The following WDR70 variants were observed in gnomAD, a reference collection of about 807,000 sequenced individuals.
WDR70 encodes the protein WD repeat-containing protein 70.
Under a neutral mutation model 88.6 loss-of-function variants are expected in WDR70, and 53 were observed. The ratio of observed to expected loss-of-function variants is 0.60; its 90% CI spans 0.48 to 0.75. The LOEUF (loss-of-function observed/expected upper bound fraction) is 0.75, where lower values mean the gene tolerates loss of function less well. Among genes scored for constraint, WDR70 ranks in the 30% least tolerant of loss-of-function variants. The pLI is 0.00. For missense variants in WDR70, 610 were observed against 823.2 expected (o/e 0.74, Z 3.17); for synonymous variants, 280 against 270.0 (o/e 1.04, Z -0.36).
intron 10 of WDR70, among the ~76,000 whole-genome samples, chr5:37,618,666 G>A (rs922378021): frequency 6.6e-6 from 1 of 152,220 alleles, no homozygotes; most frequent in African/African-American, 2.4e-5. Flanking sequence ...GGAAAAGGTT[G>A]AGGTGGGTGG....
chr5:37,630,113 A>G (rs1009300489), intron 10 of WDR70, among the ~76,000 whole-genome samples: 1 of 152,196 alleles, frequency 6.6e-6, no homozygotes, highest in African/African-American at 2.4e-5. Context: ...CAGCTTTGCC[A>G]GGCTTGGGCT....
intron 10 of WDR70, among the ~76,000 whole-genome samples, chr5:37,648,538 C>T (rs1386224426): frequency 7.6e-6 from 1 of 131,336 alleles, no homozygotes; most frequent in Non-Finnish European, 1.5e-5. Context: ...GTGGTAATCT[C>T]TTGGTAGTTC....
In WDR70 at chr5:37,726,885, C is replaced by T. The variant is rs1473600122; in HGVS notation, c.1717C>T (p.Arg573Cys). 6.3e-7 allele frequency: 1 copy of T among 1,582,120 alleles called. No homozygotes were observed. The highest frequency in any genetic ancestry group is 2.0e-5 in the Admixed American group (1 of 50,760). ...KPEPPVAGPG[R>C]GGRVGTHGGT... Reference sequence around the variant, plus strand: ...TGGTTTTTTTTCTTTTGCAATAGGTCGTGGTGGCCGAGTTGGAACCCACGG... The same window carrying T: ...TGGTTTTTTTTCTTTTGCAATAGGTTGTGGTGGCCGAGTTGGAACCCACGG... Residue 573 changes from arginine (R) to cysteine (C), a missense_variant and splice_region_variant, in exon 17 of 18, where the codon CGT becomes TGT. Arg to Cys is a radical substitution (Grantham distance 180). Transcript: ENST00000265107.
At chr5:37,740,239 G>T (rs541187401) in intron 17 of WDR70, among the ~76,000 whole-genome samples, 11 of 152,218 alleles carry the variant, frequency 7.2e-5, no homozygotes, top group Non-Finnish European at 1.2e-4. Flanking sequence ...GGTGACTAAA[G>T]AAATCCATTT....
chr5:37,649,730 C>CTTTTTTTTTTTTTTTT, intron 10 of WDR70, among the ~76,000 whole-genome samples: 1 of 48,868 alleles, frequency 2.0e-5, no homozygotes, highest in South Asian at 8.9e-4. Context: ...GATGTTATTA[C>CTTTTTTTTTTTTTTTT]TTCTTTTTTT....
At position 37,676,699 on chromosome 5, in the gene WDR70, T is replaced by G. The variant is rs1306550493; in HGVS notation, c.1093-20956T>G. ...AGGATATTGGTCTAAAATTCTCTTTTTTGGTTGTGTCTCTGCCAGGCTTTG... is the reference window on the plus strand; with the variant it reads ...AGGATATTGGTCTAAAATTCTCTTTGTTGGTTGTGTCTCTGCCAGGCTTTG... On this transcript the variant is annotated intron_variant, in intron 10 of 17. Transcript: ENST00000265107. Among the ~76,000 whole-genome samples the G allele has an allele frequency of 2.0e-5, 3 of 151,850 alleles. No homozygotes were observed. The East Asian group carries it at 5.8e-4, about 29-fold the overall frequency.
intron 9 of WDR70, among the ~76,000 whole-genome samples, chr5:37,554,185 G>GT (rs759821860): frequency 8.1e-5 from 12 of 148,298 alleles, no homozygotes; most frequent in Non-Finnish European, 1.6e-4. Flanking sequence ...ACTAAGTCAT[G>GT]TATCTGTTAA....
chr5:37,541,574 T>G (rs1741816530), intron 9 of WDR70, among the ~76,000 whole-genome samples: 1 of 152,112 alleles, frequency 6.6e-6, no homozygotes, highest in African/African-American at 2.4e-5. Context: ...AAAAATAATG[T>G]TTTTTTTCCA....
At chr5:37,404,220 C>T (rs1749284965) in intron 5 of WDR70, among the ~76,000 whole-genome samples, 1 of 152,136 alleles carries the variant, frequency 6.6e-6, no homozygotes, top group Non-Finnish European at 1.5e-5. Context: ...TGGATTTCTT[C>T]ACAGTCTAGT....
chr5:37,618,908 A>G (rs1388507238), intron 10 of WDR70, among the ~76,000 whole-genome samples: 9 of 152,212 alleles, frequency 5.9e-5, no homozygotes, highest in Non-Finnish European at 1.5e-5. Context: ...AAATTCCTGG[A>G]CAAGGGTTTT....
intron 17 of WDR70, among the ~76,000 whole-genome samples, chr5:37,735,818 G>C (rs765838233): frequency 6.6e-6 from 1 of 152,178 alleles, no homozygotes. Flanking sequence ...GTGATGAAAT[G>C]AAGATTTATT....
chr5:37,495,761 T>A (rs1291619347), intron 8 of WDR70, among the ~76,000 whole-genome samples: 1 of 152,212 alleles, frequency 6.6e-6, no homozygotes, highest in Admixed American at 6.5e-5. Flanking sequence ...GTTCCACTAA[T>A]GTTAGCCATG....
chr5:37,545,502 T>TA (rs2112337341), intron 9 of WDR70, among the ~76,000 whole-genome samples: 1 of 152,098 alleles, frequency 6.6e-6, no homozygotes, highest in Admixed American at 6.5e-5. Flanking sequence ...GTGTGCTTTT[T>TA]ATTTTTATTT....
At chr5:37,733,085 A>G (rs1748198189) in intron 17 of WDR70, among the ~76,000 whole-genome samples, 1 of 152,158 alleles carries the variant, frequency 6.6e-6, no homozygotes, top group South Asian at 2.1e-4. Flanking sequence ...GGAGGCCAGA[A>G]GTCTGAAATC....
At chr5:37,579,755 G>C (rs1743166823) in intron 9 of WDR70, among the ~76,000 whole-genome samples, 1 of 151,962 alleles carries the variant, frequency 6.6e-6, no homozygotes, top group Admixed American at 6.6e-5. Context: ...GTTTTCAGTA[G>C]ACTGGGCACC....
intron 8 of WDR70, among the ~76,000 whole-genome samples, chr5:37,482,849 T>C (rs1739714961): frequency 6.6e-6 from 1 of 152,062 alleles, no homozygotes; most frequent in South Asian, 2.1e-4. Flanking sequence ...TTTGGAAACA[T>C]TCTACTTAGC....
intron 10 of WDR70, among the ~76,000 whole-genome samples, chr5:37,626,963 C>T (rs1005319097): frequency 3.9e-5 from 6 of 152,080 alleles, no homozygotes; most frequent in Non-Finnish European, 7.3e-5. Context: ...TCCATTGTGA[C>T]ATATCCTCTT....
At chr5:37,748,406 C>G (rs575830398) in intron 17 of WDR70, among the ~76,000 whole-genome samples, 1 of 152,240 alleles carries the variant, frequency 6.6e-6, no homozygotes, top group South Asian at 2.1e-4. Context: ...AACTGGCTAG[C>G]CATATGCAGA....
At chr5:37,447,292 G>GTCTCC (rs1222770785) in intron 7 of WDR70, among the ~76,000 whole-genome samples, 1 of 152,166 alleles carries the variant, frequency 6.6e-6, no homozygotes, top group African/African-American at 2.4e-5. Flanking sequence ...GAAACAACTA[G>GTCTCC]TGCTGGAGAG....
Sources: allele counts gnomAD v4.1 joint callset (sites outside exome capture counted in the v4.1 genomes callset), GRCh38; gene constraint gnomAD v4.1.1; transcripts MANE v1.5; gene names NCBI Gene and HGNC (gene_info 2026-07-23, HGNC 2026-07-21).